Variants in DCDC1 observed in about 807,000 individuals in gnomAD.
DCDC1 encodes the protein doublecortin domain containing 1, also known as doublecortin domain-containing protein 1.
In DCDC1, 200 loss-of-function variants were observed where a neutral mutation model predicts 178.3. That is an observed-to-expected ratio of 1.12 (90% CI 1.00 to 1.26). The LOEUF is 1.26. Ranked by LOEUF, DCDC1 falls within the 50% of genes most tolerant of loss-of-function variation. The pLI, the probability that DCDC1 is intolerant of heterozygous loss-of-function variation, is 0.00. For missense variants in DCDC1, 1,983 were observed against 1,749.2 expected, an observed-to-expected ratio of 1.13 and a Z score of -2.38; for synonymous variants, 690 against 604.8, an observed-to-expected ratio of 1.14 and a Z score of -2.07.
intron 17 of DCDC1, among the ~76,000 whole-genome samples, chr11:31,084,078 A>AAT: frequency 6.6e-6 from 1 of 152,212 alleles, no homozygotes; most frequent in Middle Eastern, 3.4e-3. Context: ...CAGATAGAAA[A>AAT]ATATATATAT....
chr11:31,080,423 A>G (rs1486436439), intron 17 of DCDC1, among the ~76,000 whole-genome samples: 5 of 152,194 alleles, frequency 3.3e-5, no homozygotes, highest in Admixed American at 2.6e-4. Context: ...TATTTTGTGT[A>G]AGTGGAAGAC....
intron 8 of DCDC1, among the ~76,000 whole-genome samples, chr11:31,261,009 AG>A (rs1248828952): frequency 6.6e-6 from 1 of 152,188 alleles, no homozygotes; most frequent in East Asian, 1.9e-4. Context: ...ATTCCAAAAT[AG>A]TTGTATATTC....
chr11:31,303,338 A>C (rs552580810), intron 6 of DCDC1, among the ~76,000 whole-genome samples: 1 of 152,318 alleles, frequency 6.6e-6, no homozygotes, highest in African/African-American at 2.4e-5. Context: ...AAGATACATC[A>C]TTAACACTTA....
chr11:31,207,577 A>G lies in DCDC1; in HGVS notation c.1221+33873T>C, dbSNP rs559439025. Among the ~76,000 whole-genome samples, 4 of 152,242 alleles carry G rather than the reference A, an allele frequency of 2.6e-5. No individual in the cohort carries two copies. In the East Asian group the frequency reaches 7.7e-4, roughly 29 times the overall value. On this transcript the variant is annotated intron_variant, in intron 9 of 38. Coordinates refer to ENST00000684477, the MANE Select transcript of DCDC1 (RefSeq NM_001387274.1). ...CCCTGTTACATCGGATGAACTGTCT[A>G]TTCTCCTGAAATTATATAATGGATC...
chr11:31,314,004 AC>A (rs1196431062), intron 3 of DCDC1, among the ~76,000 whole-genome samples: 1 of 152,146 alleles, frequency 6.6e-6, no homozygotes, highest in East Asian at 1.9e-4. Flanking sequence ...TAAATAACTC[AC>A]ATATAAACAG....
chr11:30,867,272 G>A (rs1941080617), intron 38 of DCDC1, among the ~76,000 whole-genome samples: 1 of 152,226 alleles, frequency 6.6e-6, no homozygotes. Flanking sequence ...AGCAGGCTTT[G>A]AGGTTAGGCA....
chr11:31,142,488 ATGTGTGTG>A (rs59196732), intron 9 of DCDC1, among the ~76,000 whole-genome samples: 5 of 150,374 alleles, frequency 3.3e-5, no homozygotes, highest in Non-Finnish European at 5.9e-5. Flanking sequence ...GTGTGTGTGT[ATGTGTGTG>A]TGTGTGTGTG....
intron 18 of DCDC1, among the ~76,000 whole-genome samples, chr11:31,069,424 A>G (rs1252548832): frequency 1.3e-5 from 2 of 152,296 alleles, no homozygotes; most frequent in African/African-American, 2.4e-5. Context: ...GGTACATTCA[A>G]GACAATTCAA....
intron 36 of DCDC1, among the ~76,000 whole-genome samples, chr11:30,885,005 C>T (rs920249961): frequency 6.6e-6 from 1 of 151,744 alleles, no homozygotes; most frequent in Admixed American, 6.6e-5. Flanking sequence ...CAACAAAGTG[C>T]AACAATGAGC....
chr11:31,311,347 C>T (rs530614762), intron 3 of DCDC1, among the ~76,000 whole-genome samples: 5 of 152,202 alleles, frequency 3.3e-5, no homozygotes, highest in African/African-American at 1.2e-4. Context: ...CAGTGCCTTC[C>T]AAACAGGGAA....
chr11:31,176,942 A>G (rs1968116636), intron 9 of DCDC1, among the ~76,000 whole-genome samples: 1 of 152,202 alleles, frequency 6.6e-6, no homozygotes, highest in Non-Finnish European at 1.5e-5. Context: ...AATTACTGTC[A>G]TGAAAACATG....
chr11:31,069,073 G>C (rs929297695), intron 18 of DCDC1, among the ~76,000 whole-genome samples: 4 of 151,876 alleles, frequency 2.6e-5, no homozygotes, highest in Non-Finnish European at 2.9e-5. Flanking sequence ...GGATGGTCTC[G>C]ATCTCCTGAC....
chr11:31,105,347 A>G (rs916572199), intron 13 of DCDC1, among the ~76,000 whole-genome samples: 26 of 152,004 alleles, frequency 1.7e-4, no homozygotes, highest in African/African-American at 5.1e-4. Flanking sequence ...CCAATTAGCC[A>G]AAAACAAATG....
intron 9 of DCDC1, among the ~76,000 whole-genome samples, chr11:31,180,023 C>T (rs1968573636): frequency 6.6e-6 from 1 of 152,084 alleles, no homozygotes; most frequent in Admixed American, 6.6e-5. Flanking sequence ...GAATGAAGGA[C>T]AAAACCATAT....
chr11:31,168,719 C>T (rs919520933), intron 9 of DCDC1, among the ~76,000 whole-genome samples: 4 of 152,136 alleles, frequency 2.6e-5, no homozygotes, highest in African/African-American at 9.7e-5. Context: ...ATCACTATGC[C>T]TCAGTTTTCT....
chr11:31,301,155 GCTGT>G (rs1365760439), intron 6 of DCDC1, among the ~76,000 whole-genome samples: 1 of 152,136 alleles, frequency 6.6e-6, no homozygotes, highest in East Asian at 1.9e-4. Context: ...AGAATCATAT[GCTGT>G]CTGAGAAGAA....
intron 20 of DCDC1, among the ~76,000 whole-genome samples, chr11:31,055,187 A>G (rs943444870): frequency 4.6e-5 from 7 of 152,160 alleles, no homozygotes; most frequent in African/African-American, 1.7e-4. Context: ...GGACCTAAAC[A>G]ACTCTCAAAA....
chr11:30,967,111 TTAAAG>T (rs1949479327), intron 20 of DCDC1, among the ~76,000 whole-genome samples: 1 of 58,142 alleles, frequency 1.7e-5, no homozygotes, highest in Non-Finnish European at 3.4e-5. Flanking sequence ...CATATGAACT[TTAAAG>T]TAGTTTTTTC....
At chr11:31,200,964 ATCT>A (rs1055574547) in intron 9 of DCDC1, among the ~76,000 whole-genome samples, 2 of 151,840 alleles carry the variant, frequency 1.3e-5, no homozygotes, top group Admixed American at 1.3e-4. Flanking sequence ...AAAACAAAAA[ATCT>A]TCTAGCCCCC....
Sources: gnomAD v4.1 joint callset for allele counts (sites outside exome capture counted in the v4.1 genomes callset) on GRCh38, gnomAD v4.1.1 for gene constraint, MANE v1.5 for transcripts, NCBI Gene and HGNC (gene_info 2026-07-23, HGNC 2026-07-21) for gene names.